SHISA9: variants seen among roughly 807,000 people sequenced by gnomAD.
SHISA9 encodes the protein shisa family member 9.
SHISA9 carries 13 observed loss-of-function variants against 38.0 expected under a neutral mutation model. The ratio of observed to expected loss-of-function variants is 0.34; its 90% CI spans 0.22 to 0.54. The LOEUF is 0.54. Among genes scored for constraint, SHISA9 ranks in the 20% least tolerant of loss-of-function variants. The pLI is 0.91. For missense variants in SHISA9, 538 were observed against 575.8 expected, an observed-to-expected ratio of 0.93 and a Z score of 0.67; for synonymous variants, 275 against 242.0, an observed-to-expected ratio of 1.14 and a Z score of -1.27.
intron 4 of SHISA9, among the ~76,000 whole-genome samples, chr16:13,214,890 G>T (rs186424083): frequency 3.3e-5 from 5 of 152,246 alleles, no homozygotes; most frequent in Admixed American, 3.3e-4. Flanking sequence ...AATTGTGCGA[G>T]TTGCAATTCA....
At chr16:13,260,331 A>G in the SHISA9 span, among the ~76,000 whole-genome samples, 1 of 151,602 alleles carries the variant, frequency 6.6e-6, no homozygotes, top group African/African-American at 2.4e-5. Flanking sequence ...TTTCTTTTCT[A>G]TTGCATAGTC....
In SHISA9 at chr16:13,143,398, A is replaced by G. The variant is rs146436955; in HGVS notation, c.692-59996A>G. On this transcript the variant is annotated intron_variant, in intron 2 of 4. Coordinates refer to ENST00000558583, the MANE Select transcript of SHISA9 (RefSeq NM_001145204.3). Reference sequence around the variant, plus strand: ...CAAGGATGAATATATCCCCGTACCTATCCTTCTGGAATTCAGAGCCATCCA... The same window carrying G: ...CAAGGATGAATATATCCCCGTACCTGTCCTTCTGGAATTCAGAGCCATCCA... Among the ~76,000 whole-genome samples, 59 of 152,236 alleles carry G rather than the reference A, an allele frequency of 3.9e-4. No individual in the cohort carries two copies. The East Asian group carries it at 0.011, about 28-fold the overall frequency.
chr16:13,292,145 T>G, the SHISA9 span, among the ~76,000 whole-genome samples: 2 of 151,850 alleles, frequency 1.3e-5, 1 homozygote, highest in South Asian at 4.2e-4. Context: ...GGTCTGTCCA[T>G]GGTGCTGAAC....
chr16:13,552,261 C>A, the SHISA9 span, among the ~76,000 whole-genome samples: 1 of 152,158 alleles, frequency 6.6e-6, no homozygotes, highest in Non-Finnish European at 1.5e-5. Context: ...TCATGAAATC[C>A]TCACCAGAGG....
rs558897616 is a variant in SHISA9 at position 13,074,406 on chromosome 16, T to A, written c.692-128988T>A. Reference sequence around the variant, plus strand: ...TGGCTCAGAGCTGTGCCTCTCCATTTCTTACCCACCCAAGGATCAGCCCAA... The same window carrying A: ...TGGCTCAGAGCTGTGCCTCTCCATTACTTACCCACCCAAGGATCAGCCCAA... On this transcript the variant is annotated intron_variant, in intron 2 of 4. Coordinates refer to ENST00000558583, the MANE Select transcript of SHISA9 (RefSeq NM_001145204.3). 5.3e-5 allele frequency among the ~76,000 whole-genome samples: 8 copies of A among 152,280 alleles called. No individual in the cohort carries two copies. In the East Asian group the frequency reaches 1.6e-3, roughly 30 times the overall value.
At chr16:12,926,582 A>T (rs1596533184) in intron 2 of SHISA9, among the ~76,000 whole-genome samples, 1 of 152,202 alleles carries the variant, frequency 6.6e-6, no homozygotes, top group Non-Finnish European at 1.5e-5. Context: ...AAAAGTAATC[A>T]CGTAATTGCA....
the SHISA9 span, among the ~76,000 whole-genome samples, chr16:13,502,672 C>T: frequency 2.6e-5 from 4 of 151,984 alleles, no homozygotes; most frequent in South Asian, 2.1e-4. Context: ...GTCAAAAGCT[C>T]GAGACCAGCC....
intron 2 of SHISA9, among the ~76,000 whole-genome samples, chr16:13,030,009 G>A (rs1343049205): frequency 6.6e-6 from 1 of 152,344 alleles, no homozygotes; most frequent in East Asian, 1.9e-4. Context: ...TGATGCTGCT[G>A]TGAGGACTGA....
chr16:13,099,210 C>T (rs2073855430), intron 2 of SHISA9, among the ~76,000 whole-genome samples: 1 of 152,208 alleles, frequency 6.6e-6, no homozygotes, highest in African/African-American at 2.4e-5. Context: ...GACAGGCTCA[C>T]AAGCTTACAA....
At chr16:13,107,722 C>A (rs528942726) in intron 2 of SHISA9, among the ~76,000 whole-genome samples, 93 of 152,104 alleles carry the variant, frequency 6.1e-4, no homozygotes, top group African/African-American at 2.0e-3. Flanking sequence ...AGAGCCTTAA[C>A]TGTCATGAGA....
chr16:12,975,772 G>T (rs973722040), intron 2 of SHISA9, among the ~76,000 whole-genome samples: 2 of 151,862 alleles, frequency 1.3e-5, no homozygotes, highest in African/African-American at 4.8e-5. Context: ...AGGGAAGATG[G>T]CCCAGATATT....
intron 2 of SHISA9, among the ~76,000 whole-genome samples, chr16:13,054,277 C>T (rs1291019485): frequency 4.6e-5 from 7 of 152,214 alleles, no homozygotes; most frequent in Non-Finnish European, 4.4e-5. Context: ...CTTCACCTTA[C>T]AGGGTGGATG....
chr16:13,067,756 G>A (rs961012906), intron 2 of SHISA9, among the ~76,000 whole-genome samples: 2 of 152,200 alleles, frequency 1.3e-5, no homozygotes, highest in African/African-American at 4.8e-5. Flanking sequence ...CAGTCCGCCT[G>A]CACCTGCTGT....
chr16:13,198,614 T>C (rs949291167), intron 2 of SHISA9, among the ~76,000 whole-genome samples: 2 of 152,200 alleles, frequency 1.3e-5, no homozygotes, highest in African/African-American at 4.8e-5. Context: ...GCTGAATATA[T>C]TTGTGGAAAA....
chr16:13,321,476 A>G, the SHISA9 span, among the ~76,000 whole-genome samples: 24 of 152,332 alleles, frequency 1.6e-4, no homozygotes, highest in South Asian at 3.7e-3. Flanking sequence ...CATCTGTTAA[A>G]ATACAGCCAC....
the SHISA9 span, among the ~76,000 whole-genome samples, chr16:13,495,378 C>T: frequency 4.4e-3 from 667 of 152,028 alleles, 4 homozygotes; most frequent in African/African-American, 0.015. Flanking sequence ...GTCGTATTTT[C>T]GCAATTTCCT....
chr16:13,451,264 G>A, the SHISA9 span, among the ~76,000 whole-genome samples: 2 of 152,204 alleles, frequency 1.3e-5, no homozygotes, highest in South Asian at 4.1e-4. Context: ...ACCCTTTATG[G>A]TCTGCCTTTC....
chr16:13,352,671 CCGGA>C, the SHISA9 span, among the ~76,000 whole-genome samples: 1 of 56,944 alleles, frequency 1.8e-5, no homozygotes, highest in African/African-American at 5.9e-5. Context: ...CGGGCTGAGT[CCGGA>C]AAGAGAGTCA....
chr16:13,119,518 A>C (rs940303108), intron 2 of SHISA9, among the ~76,000 whole-genome samples: 7 of 152,236 alleles, frequency 4.6e-5, no homozygotes, highest in Admixed American at 3.9e-4. Flanking sequence ...TATTATAGGC[A>C]ATGATATATT....
Sources: gnomAD v4.1 joint callset for allele counts (sites outside exome capture counted in the v4.1 genomes callset) on GRCh38, gnomAD v4.1.1 for gene constraint, MANE v1.5 for transcripts, NCBI Gene and HGNC (gene_info 2026-07-23, HGNC 2026-07-21) for gene names.